Variants in SYNPO2 observed in about 807,000 individuals in gnomAD.
The protein encoded by SYNPO2 is synaptopodin-2.
In SYNPO2, 56 loss-of-function variants were observed where a neutral mutation model predicts 85.0. The observed-to-expected ratio is 0.66, with a 90% CI of 0.53 to 0.82. The LOEUF (loss-of-function observed/expected upper bound fraction) is 0.82, where lower values mean the gene tolerates loss of function less well. Ranked by LOEUF, SYNPO2 falls within the 40% of genes least tolerant of loss-of-function variation. The pLI, the probability that SYNPO2 is intolerant of heterozygous loss-of-function variation, is 0.00. For missense variants in SYNPO2, 1,575 were observed against 1,534.2 expected, an observed-to-expected ratio of 1.03 and a Z score of -0.44; for synonymous variants, 602 against 591.1, an observed-to-expected ratio of 1.02 and a Z score of -0.27.
chr4:118,897,089 A>C (rs546990247), intron 1 of SYNPO2, among the ~76,000 whole-genome samples: 36 of 152,276 alleles, frequency 2.4e-4, no homozygotes, highest in African/African-American at 8.2e-4. Flanking sequence ...GGTTTAATTG[A>C]CTCACAGTTT....
intron 1 of SYNPO2, among the ~76,000 whole-genome samples, chr4:118,947,811 A>G (rs1176431660): frequency 1.3e-5 from 2 of 152,236 alleles, no homozygotes; most frequent in Non-Finnish European, 1.5e-5. Flanking sequence ...GTATGTACAT[A>G]TAAGTAATAT....
In SYNPO2 at chr4:118,997,239, C is replaced by CAAAAA. The variant is rs1434428754; in HGVS notation, c.106-26177_106-26173dup. On this transcript the variant is annotated intron_variant, in intron 1 of 4. Coordinates refer to ENST00000307142, the MANE Select transcript of SYNPO2 (RefSeq NM_133477.3). ...TGGGCGACAGAGCGAGACTCCGTCT[C>CAAAAA]AAAAAAAAAAAAAAAAAATTAAAAG... Among the ~76,000 whole-genome samples, 183 of 65,216 alleles carry CAAAAA rather than the reference C, an allele frequency of 2.8e-3. 3 individuals carry two copies. Among genetic ancestry groups the CAAAAA allele is most frequent in the African/African-American group, 9.9e-3 (158 of 15,964 alleles). 42.8% of individuals were successfully genotyped at this position (65,216 alleles called of 152,430 possible).
intron 1 of SYNPO2, among the ~76,000 whole-genome samples, chr4:118,871,224 T>C (rs771337296): frequency 1.1e-4 from 17 of 152,178 alleles, no homozygotes; most frequent in Admixed American, 3.3e-4. Context: ...AACCTTCCTC[T>C]ACCACATCCC....
chr4:119,022,707 AT>A (rs1560989542), intron 1 of SYNPO2, among the ~76,000 whole-genome samples: 9 of 103,100 alleles, frequency 8.7e-5, no homozygotes, highest in South Asian at 3.1e-4. Flanking sequence ...ATTTTATTTT[AT>A]ATTTTATTTT....
Position 118,895,768 on chromosome 4 carries a change from C to T in SYNPO2, c.105+6627C>T, listed in dbSNP as rs140533830. ...ACATCAGTATGCAGTGTCATTGTGACATACACATTATACCTAACTGGATAT... is the reference window on the plus strand; with the variant it reads ...ACATCAGTATGCAGTGTCATTGTGATATACACATTATACCTAACTGGATAT... On this transcript the variant is annotated intron_variant, in intron 1 of 4. Transcript: ENST00000307142. Among the ~76,000 whole-genome samples, 375 of 152,304 alleles carry T rather than the reference C, an allele frequency of 2.5e-3. 1 individual carries two copies. The highest frequency in any genetic ancestry group is 8.7e-3 in the African/African-American group (363 of 41,566).
At chr4:118,876,697 CTTTCTTTCTTTCT>C (rs1214689878) in intron 1 of SYNPO2, among the ~76,000 whole-genome samples, 2 of 105,290 alleles carry the variant, frequency 1.9e-5, no homozygotes, top group Admixed American at 2.0e-4. Flanking sequence ...TTCTTTCTTT[CTTTCTTTCTTTCT>C]TTCTTTCTTT....
At chr4:118,929,484 AT>A (rs1215557138) in intron 1 of SYNPO2, among the ~76,000 whole-genome samples, 3 of 152,056 alleles carry the variant, frequency 2.0e-5, no homozygotes, top group Non-Finnish European at 4.4e-5. Context: ...TTAGAAAAAA[AT>A]AAAAAAAATT....
At chr4:118,890,729 C>CTGTG (rs1461684798) in intron 1 of SYNPO2, among the ~76,000 whole-genome samples, 2 of 137,092 alleles carry the variant, frequency 1.5e-5, no homozygotes, top group African/African-American at 5.4e-5. Flanking sequence ...CTCTCTCTCT[C>CTGTG]TCTCTGTGTG....
chr4:118,879,997 C>G (rs1732049648), intron 1 of SYNPO2, among the ~76,000 whole-genome samples: 1 of 152,172 alleles, frequency 6.6e-6, no homozygotes, highest in African/African-American at 2.4e-5. Flanking sequence ...TTATTTCTCT[C>G]AACGGTGCTC....
intron 4 of SYNPO2, among the ~76,000 whole-genome samples, chr4:119,045,297 CA>C (rs542587492): frequency 1.3e-5 from 2 of 152,118 alleles, no homozygotes; most frequent in Non-Finnish European, 2.9e-5. Flanking sequence ...TTTTTCTCTA[CA>C]AAAACTTCCC....
intron 1 of SYNPO2, among the ~76,000 whole-genome samples, chr4:118,970,584 G>T (rs1735502901): frequency 6.6e-6 from 1 of 152,138 alleles, no homozygotes; most frequent in Non-Finnish European, 1.5e-5. Context: ...AAATTTGTCT[G>T]TATATGATAG....
rs972149331 is a variant in SYNPO2, at chr4:119,018,917, A to G, written c.106-4513A>G. 4.6e-5 allele frequency among the ~76,000 whole-genome samples: 7 copies of G among 152,158 alleles called. No homozygotes were observed. The South Asian group carries it at 1.2e-3, about 27-fold the overall frequency. Reference sequence around the variant, plus strand: ...AAAATATCACACATACCCCATAAATATGTATAACTATTATGTATCCATAAT... The same window carrying G: ...AAAATATCACACATACCCCATAAATGTGTATAACTATTATGTATCCATAAT... On this transcript the variant is annotated intron_variant, in intron 1 of 4. Transcript: ENST00000307142.
Position 118,883,429 on chromosome 4 carries a change from A to C in SYNPO2, c.12+32489A>C, listed in dbSNP as rs138727056. Among the ~76,000 whole-genome samples the C allele has an allele frequency of 6.2e-4, 95 of 152,332 alleles. No individual in the cohort carries two copies. In the East Asian group the frequency reaches 0.017, roughly 27 times the overall value. ...AGCCAATATGAAATTATTGCAGAATAAGTCGTTCTTAATGGAATATATGTG... is the reference window on the plus strand; with the variant it reads ...AGCCAATATGAAATTATTGCAGAATCAGTCGTTCTTAATGGAATATATGTG... On this transcript the variant is annotated intron_variant, in intron 1 of 4. Coordinates refer to the SYNPO2 transcript ENST00000610556.
At chr4:118,943,555 C>T (rs960002909) in intron 1 of SYNPO2, among the ~76,000 whole-genome samples, 4 of 152,138 alleles carry the variant, frequency 2.6e-5, no homozygotes, top group African/African-American at 7.2e-5. Context: ...AACATGCTGC[C>T]GTTGATCAAA....
intron 4 of SYNPO2, chr4:119,036,610 A>C (rs1363344860): frequency 1.0e-6 from 1 of 985,380 alleles, no homozygotes; most frequent in Non-Finnish European, 1.2e-6. Context: ...CTATGGTTCT[A>C]GAAAAAATAG....
intron 1 of SYNPO2, among the ~76,000 whole-genome samples, chr4:118,936,406 G>T (rs1054204826): frequency 6.6e-6 from 1 of 152,120 alleles, no homozygotes; most frequent in African/African-American, 2.4e-5. Flanking sequence ...GGGCTCCAGT[G>T]ATCCTCTTGC....
In SYNPO2 at chr4:119,059,730, C is replaced by T. The variant is rs1235707566; in HGVS notation, c.*1796C>T. On this transcript the variant is annotated 3_prime_UTR_variant, in exon 5 of 5. Transcript: ENST00000307142. ...AATGCCAGGGTGCAAGTGACCAAGG[C>T]CTTATCTTGAAAGTTAAAAAAAAAA... 1.8e-4 allele frequency: 27 copies of T among 151,124 alleles called. No homozygotes were observed. Among genetic ancestry groups the T allele is most frequent in the Admixed American group, 1.8e-3 (27 of 15,184 alleles). 9.4% of individuals were successfully genotyped at this position (151,124 alleles called of 1,614,324 possible). A position where few individuals can be genotyped will look rare whatever the true frequency, so the allele number is the denominator to read the frequency against.
chr4:118,932,203 C>T (rs990904620), intron 1 of SYNPO2, among the ~76,000 whole-genome samples: 2 of 152,070 alleles, frequency 1.3e-5, no homozygotes, highest in African/African-American at 2.4e-5. Flanking sequence ...CTTTGAGGAT[C>T]CCAGGATGTT....
intron 4 of SYNPO2, among the ~76,000 whole-genome samples, chr4:119,053,657 G>A (rs1739120988): frequency 1.3e-5 from 2 of 152,030 alleles, no homozygotes; most frequent in Non-Finnish European, 2.9e-5. Flanking sequence ...TTTGTTAATA[G>A]GATATCACTG....
Sources: allele counts gnomAD v4.1 joint callset (sites outside exome capture counted in the v4.1 genomes callset), GRCh38; gene constraint gnomAD v4.1.1; transcripts MANE v1.5; gene names NCBI Gene and HGNC (gene_info 2026-07-23, HGNC 2026-07-21).